Variants in PACS2 observed in about 807,000 individuals in gnomAD.
PACS2 encodes PACS1-like protein.
In PACS2, 36 loss-of-function variants were observed where a neutral mutation model predicts 113.0. The ratio of observed to expected loss-of-function variants is 0.32; its 90% confidence interval spans 0.24 to 0.42. The LOEUF (loss-of-function observed/expected upper bound fraction) is 0.42. Ranked by LOEUF, PACS2 falls within the 10% of genes least tolerant of loss-of-function variation. The pLI is 1.00. For missense variants in PACS2, 1,015 were observed against 1,239.5 expected (o/e 0.82, Z 2.72); for synonymous variants, 589 against 536.1 (o/e 1.10, Z -1.36).
Position 105,376,485 on chromosome 14 carries a change from C to T in PACS2, c.802-283C>T, listed in dbSNP as rs1693564691. 6.6e-6 allele frequency among the ~76,000 whole-genome samples: 1 copy of T among 152,162 alleles called. No homozygotes were observed. The highest frequency in any genetic ancestry group is 6.5e-5 in the Admixed American group (1 of 15,276). On this transcript the variant is annotated intron_variant, in intron 8 of 24. Coordinates refer to ENST00000447393, the MANE Select transcript of PACS2 (RefSeq NM_001100913.3). The surrounding 1 kb of genome is among the most constrained non-coding windows in gnomAD (Gnocchi z 4.7). ...GTGGCCCACACCCGTCAGAGCTCAC[C>T]TGCCTGCACCCAGGCCCTCCGTGCA...
At position 105,393,277 on chromosome 14, in the gene PACS2, C is replaced by T; in HGVS notation, c.2538C>T (p.Cys846=). ...AGGACGTGGAGTCTAAGAGCCAGTG[C>T]ATTGAGGGCATCAGCCGGCTCATCT... ...KDKDVESKSQ[C]IEGISRLICT... The change falls in exon 24 of 25, where the codon TGC becomes TGT. Residue 846 remains cysteine, a synonymous_variant. Coordinates refer to ENST00000447393, the MANE Select transcript of PACS2 (RefSeq NM_001100913.3). 1.2e-6 allele frequency: 2 copies of T among 1,612,824 alleles called. No individual in the cohort carries two copies. The highest frequency in any genetic ancestry group is 1.3e-5 in the African/African-American group (1 of 75,072).
chr14:105,390,634 C>G (rs1391654267), intron 20 of PACS2: 2 of 169,524 alleles, frequency 1.2e-5, no homozygotes, highest in Non-Finnish European at 2.6e-5. Context: ...ACTGGTGGAA[C>G]AGAGGCCTTT....
At chr14:105,351,250 G>T (rs587678856) in intron 2 of PACS2, among the ~76,000 whole-genome samples, 1 of 152,244 alleles carries the variant, frequency 6.6e-6, no homozygotes, top group Admixed American at 6.5e-5. Flanking sequence ...ACAGCACTGC[G>T]ATAAGCACGT....
chr14:105,367,078 C>A, intron 4 of PACS2, 135 bp from the exon 5 acceptor site: 1 of 737,980 alleles, frequency 1.4e-6, no homozygotes, highest in Non-Finnish European at 2.2e-6. Context: ...GCTCCCTGCC[C>A]TGTGGCTGCC....
chr14:105,377,696 C>A (rs587671210), intron 9 of PACS2, among the ~76,000 whole-genome samples: 5 of 152,334 alleles, frequency 3.3e-5, no homozygotes, highest in African/African-American at 1.2e-4. Flanking sequence ...TCCCACCTCA[C>A]CTGCCCCGGC....
At chr14:105,383,579 G>A (rs1479597001) in intron 16 of PACS2, 66 bp downstream of exon 16, 1 of 1,468,266 alleles carries the variant, frequency 6.8e-7, no homozygotes, top group East Asian at 2.3e-5. Context: ...GTGGCATGGA[G>A]TGGTGTGGCG....
At chr14:105,391,328 C>T in intron 21 of PACS2, 79 bp downstream of exon 21, 2 of 1,082,934 alleles carry the variant, frequency 1.8e-6, no homozygotes, top group Non-Finnish European at 1.4e-6. Context: ...GTCCTGCAGA[C>T]CAGATCAACC....
chr14:105,377,810 T>C (rs1310473117), intron 9 of PACS2, among the ~76,000 whole-genome samples: 1 of 152,228 alleles, frequency 6.6e-6, no homozygotes, highest in Non-Finnish European at 1.5e-5. Flanking sequence ...CCTCCTGTTC[T>C]GGAGATTGCC....
At chr14:105,313,962 C>T (rs930043355), upstream of PACS2, among the ~76,000 whole-genome samples, 9 of 152,250 alleles carry the variant, frequency 5.9e-5, no homozygotes, top group African/African-American at 2.2e-4. Flanking sequence ...CAGGAGCCAG[C>T]CTTGGCCCCA....
At position 105,340,686 on chromosome 14, in the gene PACS2, CT is replaced by C. The variant is rs1311944365; in HGVS notation, c.120-7803del. Among the ~76,000 whole-genome samples, 2 of 152,230 alleles carry C rather than the reference CT, an allele frequency of 1.3e-5. No homozygotes were observed. The highest frequency in any genetic ancestry group is 2.4e-5 in the African/African-American group (1 of 41,452). On this transcript the variant is annotated intron_variant, in intron 1 of 24. Transcript: ENST00000447393. This position sits in a 1 kb window ranked among gnomAD's most constrained non-coding sequence, Gnocchi z 4.2. ...GACCTCTGGTCTACAGCACAGGTGA[CT>C]TTTCTGTACCAGAGCTAGGAATGAA...
chr14:105,351,468 C>T (rs1566929653), intron 2 of PACS2, among the ~76,000 whole-genome samples: 1 of 152,168 alleles, frequency 6.6e-6, no homozygotes, highest in South Asian at 2.1e-4. Flanking sequence ...GTGACAGCAT[C>T]TCCGTATTTT....
chr14:105,326,966 A>C (rs2059133673), intron 1 of PACS2, among the ~76,000 whole-genome samples: 3 of 152,142 alleles, frequency 2.0e-5, no homozygotes. Flanking sequence ...CTGGACGTAA[A>C]GGTTGTCGCG....
rs1390370961 is a variant in PACS2, at chr14:105,396,487, A to C, written c.*1815A>C. ...CAGAGCATCTGTTTTTCTGCTCTCCAGTTTCTTTTCTTTTTTTTTTTTTTT... is the reference window on the plus strand; with the variant it reads ...CAGAGCATCTGTTTTTCTGCTCTCCCGTTTCTTTTCTTTTTTTTTTTTTTT... On this transcript the variant is annotated 3_prime_UTR_variant, in exon 25 of 25. Coordinates refer to ENST00000447393, the MANE Select transcript of PACS2 (RefSeq NM_001100913.3). The C allele has an allele frequency of 1.4e-5, 2 of 142,880 alleles. No homozygotes were observed. The highest frequency in any genetic ancestry group is 3.0e-5 in the Non-Finnish European group (2 of 66,220). 8.9% of individuals were successfully genotyped at this position (142,880 alleles called of 1,614,324 possible). A position where few individuals can be genotyped will look rare whatever the true frequency, so the allele number is the denominator to read the frequency against.
intron 1 of PACS2, among the ~76,000 whole-genome samples, chr14:105,331,746 G>C (rs749761386): frequency 1.1e-4 from 17 of 152,226 alleles, no homozygotes; most frequent in Non-Finnish European, 2.5e-4. Flanking sequence ...CAATGCCTTT[G>C]ATGAGTATGG....
intron 1 of PACS2, among the ~76,000 whole-genome samples, chr14:105,327,576 G>A (rs587635375): frequency 6.6e-6 from 1 of 152,356 alleles, no homozygotes; most frequent in East Asian, 1.9e-4. Context: ...GGGGCAGGGT[G>A]GTGCATCTCA....
rs1047289225 is a variant in PACS2 at position 105,317,534 on chromosome 14, G to C, written c.119+2497G>C. Among the ~76,000 whole-genome samples, 6 of 152,178 alleles carry C rather than the reference G, an allele frequency of 3.9e-5. No homozygotes were observed. The highest frequency in any genetic ancestry group is 1.4e-4 in the African/African-American group (6 of 41,438). On this transcript the variant is annotated intron_variant, in intron 1 of 24. Transcript: ENST00000447393. This position sits in a 1 kb window ranked among gnomAD's most constrained non-coding sequence, Gnocchi z 4.2. ...AGTCTGGTGGGTGTGAAGTGGTATCGTGGTTTTAACTTGAATTTCTCTGAT... is the reference window on the plus strand; with the variant it reads ...AGTCTGGTGGGTGTGAAGTGGTATCCTGGTTTTAACTTGAATTTCTCTGAT...
chr14:105,389,748 G>A, intron 19 of PACS2: 4 of 602,018 alleles, frequency 6.6e-6, no homozygotes, highest in Non-Finnish European at 9.0e-6. Context: ...ATGTCAGAAG[G>A]GGCCCAGGCG....
At chr14:105,321,673 A>C (rs1056419800) in intron 1 of PACS2, among the ~76,000 whole-genome samples, 1 of 151,178 alleles carries the variant, frequency 6.6e-6, no homozygotes, top group African/African-American at 2.4e-5. Flanking sequence ...CACTTAATAT[A>C]TTTTTGAGGC....
In PACS2 at chr14:105,395,416, C is replaced by T. The variant is rs2081504810; in HGVS notation, c.*744C>T. 1 of 152,100 alleles carries T rather than the reference C, an allele frequency of 6.6e-6. No homozygotes were observed. Among genetic ancestry groups the T allele is most frequent in the Non-Finnish European group, 1.5e-5 (1 of 68,046 alleles). The allele number at this position is 152,100 out of a possible 1,614,324, so 9.4% of individuals were successfully genotyped here. ...CGTGTAGTCCCTGCCCCAAACTTAG[C>T]AAGCACAGGGGCCTCCACAGCCCAG... On this transcript the variant is annotated 3_prime_UTR_variant, in exon 25 of 25. Coordinates refer to ENST00000447393, the MANE Select transcript of PACS2 (RefSeq NM_001100913.3).
Sources: gnomAD v4.1 joint callset for allele counts (sites outside exome capture counted in the v4.1 genomes callset) on GRCh38, gnomAD v4.1.1 for gene constraint, Gnocchi (gnomAD v3.1) non-coding constraint, MANE v1.5 for transcripts, NCBI Gene and HGNC (gene_info 2026-07-23, HGNC 2026-07-21) for gene names.